MTHFS: variants seen among roughly 807,000 people sequenced by gnomAD.
MTHFS encodes methenyltetrahydrofolate synthetase, also known as 5-formyltetrahydrofolate cyclo-ligase.
MTHFS carries 7 observed loss-of-function variants against 12.7 expected under a neutral mutation model. The ratio of observed to expected loss-of-function variants is 0.55; its 90% confidence interval spans 0.31 to 1.03. The LOEUF (loss-of-function observed/expected upper bound fraction) is 1.03. Among genes scored for constraint, MTHFS ranks in the 50% least tolerant of loss-of-function variants. The pLI is 0.05. For missense variants in MTHFS, 252 were observed against 258.1 expected, an observed-to-expected ratio of 0.98 and a Z score of 0.16; for synonymous variants, 100 against 97.1, an observed-to-expected ratio of 1.03 and a Z score of -0.18.
At chr15:79,859,441 T>C (rs766223823) in intron 2 of MTHFS, among the ~76,000 whole-genome samples, 1 of 152,222 alleles carries the variant, frequency 6.6e-6, no homozygotes, top group East Asian at 1.9e-4. Context: ...CAAACATATA[T>C]AAGAATTTTG....
rs532968461 is a variant in MTHFS, at chr15:79,860,125, C to T, written c.380-14683G>A. On this transcript the variant is annotated intron_variant, in intron 2 of 2. Coordinates refer to ENST00000258874, the MANE Select transcript of MTHFS (RefSeq NM_006441.4). ...TACAAATTGGCCAGGCGTGGTGGCT[C>T]ACGCCTGTAATCCTAGCACTTTGGG... Among the ~76,000 whole-genome samples, 9 of 152,224 alleles carry T rather than the reference C, an allele frequency of 5.9e-5. No homozygotes were observed. The South Asian group carries it at 1.9e-3, about 32-fold the overall frequency.
intron 2 of MTHFS, among the ~76,000 whole-genome samples, chr15:79,849,305 T>A (rs2033671545): frequency 1.3e-5 from 2 of 152,198 alleles, no homozygotes; most frequent in South Asian, 4.1e-4. Context: ...CTGAAACACA[T>A]CATGTATTCT....
chr15:79,894,621 C>T (rs947881992), intron 1 of MTHFS, among the ~76,000 whole-genome samples: 7 of 152,106 alleles, frequency 4.6e-5, no homozygotes, highest in African/African-American at 1.2e-4. Flanking sequence ...TAATCTTCTA[C>T]GGAGAAAGAC....
At chr15:79,886,826 G>A (rs1334686651) in intron 2 of MTHFS, among the ~76,000 whole-genome samples, 3 of 152,170 alleles carry the variant, frequency 2.0e-5, no homozygotes, top group East Asian at 3.8e-4. Context: ...GAAAATTACC[G>A]AAATGTTAAC....
intron 2 of MTHFS, among the ~76,000 whole-genome samples, chr15:79,848,652 A>T (rs1480171316): frequency 6.6e-6 from 1 of 152,224 alleles, no homozygotes; most frequent in Admixed American, 6.5e-5. Flanking sequence ...GAATGAAGAA[A>T]TGAAACAGAG....
intron 2 of MTHFS, among the ~76,000 whole-genome samples, chr15:79,886,004 G>A (rs1212000817): frequency 6.6e-6 from 1 of 152,206 alleles, no homozygotes; most frequent in East Asian, 1.9e-4. Flanking sequence ...TGCCCAAGCA[G>A]CCCTTACCTT....
chr15:79,857,032 G>C (rs1469180424), intron 2 of MTHFS, among the ~76,000 whole-genome samples: 1 of 148,260 alleles, frequency 6.7e-6, no homozygotes, highest in Non-Finnish European at 1.5e-5. Flanking sequence ...TTTCGCTCTT[G>C]TTGCCCAGGC....
At chr15:79,896,032 T>C (rs771564946) in intron 1 of MTHFS, among the ~76,000 whole-genome samples, 3 of 152,234 alleles carry the variant, frequency 2.0e-5, no homozygotes, top group Non-Finnish European at 4.4e-5. Context: ...ATGACTGCCA[T>C]TTTATTGATA....
intron 2 of MTHFS, among the ~76,000 whole-genome samples, chr15:79,865,077 C>T (rs2033986384): frequency 6.6e-6 from 1 of 152,138 alleles, no homozygotes; most frequent in Non-Finnish European, 1.5e-5. Context: ...ATTACAGCAA[C>T]CTTTTGCAGA....
At chr15:79,854,135 G>A (rs1394064397) in intron 2 of MTHFS, among the ~76,000 whole-genome samples, 3 of 152,190 alleles carry the variant, frequency 2.0e-5, no homozygotes, top group African/African-American at 4.8e-5. Flanking sequence ...CCTTGGTGGT[G>A]GAATCAGTCA....
chr15:79,860,053 C>A (rs1414238393), intron 2 of MTHFS, among the ~76,000 whole-genome samples: 2 of 152,038 alleles, frequency 1.3e-5, no homozygotes, highest in African/African-American at 2.4e-5. Flanking sequence ...ACATCTGTAT[C>A]CTCGCCCTCA....
chr15:79,874,742 G>GCTAT (rs2034160191), intron 2 of MTHFS, among the ~76,000 whole-genome samples: 1 of 152,088 alleles, frequency 6.6e-6, no homozygotes, highest in South Asian at 2.1e-4. Flanking sequence ...AATCTAGAAG[G>GCTAT]CTATCTCAGG....
intron 2 of MTHFS, among the ~76,000 whole-genome samples, chr15:79,861,614 A>G (rs531401869): frequency 1.7e-4 from 26 of 152,344 alleles, no homozygotes; most frequent in African/African-American, 6.0e-4. Context: ...TTACTTGCAT[A>G]ACTATGCAGA....
At chr15:79,886,299 T>C (rs1180119255) in intron 2 of MTHFS, among the ~76,000 whole-genome samples, 1 of 152,238 alleles carries the variant, frequency 6.6e-6, no homozygotes, top group Admixed American at 6.5e-5. Flanking sequence ...TGTCACATTT[T>C]AAGTTGCTGA....
intron 2 of MTHFS, among the ~76,000 whole-genome samples, chr15:79,858,258 A>G (rs1566989249): frequency 6.6e-6 from 1 of 152,194 alleles, no homozygotes; most frequent in Non-Finnish European, 1.5e-5. Context: ...AGTTGTCTGT[A>G]AAGAGATTAT....
At chr15:79,888,511 T>G (rs1219626847) in intron 2 of MTHFS, among the ~76,000 whole-genome samples, 1 of 152,026 alleles carries the variant, frequency 6.6e-6, no homozygotes, top group Non-Finnish European at 1.5e-5. Flanking sequence ...AAAAGGCCTT[T>G]CCAGGAATGC....
Position 79,876,015 on chromosome 15 carries a change from C to CTA in MTHFS, c.379+13076_379+13077dup, listed in dbSNP as rs1353586300. The CTA allele has an allele frequency of 9.9e-5, 15 of 152,156 alleles. 1 individual carries two copies. Among genetic ancestry groups the CTA allele is most frequent in the Non-Finnish European group, 1.8e-4 (12 of 68,006 alleles). 9.4% of individuals were successfully genotyped at this position (152,156 alleles called of 1,614,324 possible). A position where few individuals can be genotyped will look rare whatever the true frequency, so the allele number is the denominator to read the frequency against. On this transcript the variant is annotated intron_variant, in intron 2 of 2. Transcript: ENST00000258874. ...GCACACAAAAATTGAGCAGAGATAT[C>CTA]TATAGACACATATCATAGGGAGATA...
rs188941240 is a variant in MTHFS, at chr15:79,852,688, C to T, written c.380-7246G>A. On this transcript the variant is annotated intron_variant, in intron 2 of 2. Coordinates refer to ENST00000258874, the MANE Select transcript of MTHFS (RefSeq NM_006441.4). ...CAGAATACAGCGACCATATTTGTCACAAAAGCATTAGAAATAAGTACCAAC... is the reference window on the plus strand; with the variant it reads ...CAGAATACAGCGACCATATTTGTCATAAAAGCATTAGAAATAAGTACCAAC... 2.0e-5 allele frequency among the ~76,000 whole-genome samples: 3 copies of T among 152,328 alleles called. No homozygotes were observed. The East Asian group carries it at 5.8e-4, about 29-fold the overall frequency.
intron 2 of MTHFS, among the ~76,000 whole-genome samples, chr15:79,880,791 C>T (rs1427071034): frequency 9.4e-6 from 1 of 106,744 alleles, no homozygotes; most frequent in African/African-American, 3.5e-5. Flanking sequence ...AGTAGTAAAG[C>T]AAAAAAAAAA....
Sources: allele counts gnomAD v4.1 joint callset (sites outside exome capture counted in the v4.1 genomes callset), GRCh38; gene constraint gnomAD v4.1.1; transcripts MANE v1.5; gene names NCBI Gene and HGNC (gene_info 2026-07-23, HGNC 2026-07-21).